The following CIMIP1 variants were observed in gnomAD, a reference collection of about 807,000 sequenced individuals.
The protein encoded by CIMIP1 is ciliary microtubule inner protein 1.
the CIMIP1 span, among the ~76,000 whole-genome samples, chr20:58,151,381 G>A: frequency 6.6e-6 from 1 of 151,676 alleles, no homozygotes; most frequent in African/African-American, 2.4e-5. Flanking sequence ...ACCAGAACGT[G>A]TTCATGTTTT....
the CIMIP1 span, among the ~76,000 whole-genome samples, chr20:58,159,219 A>C: frequency 9.0e-6 from 1 of 111,186 alleles, no homozygotes; most frequent in South Asian, 2.5e-4. Flanking sequence ...CTGCACTTTC[A>C]AAAGATAATT....
chr20:58,151,561 C>T, the CIMIP1 span, among the ~76,000 whole-genome samples: 1 of 151,976 alleles, frequency 6.6e-6, no homozygotes, highest in Non-Finnish European at 1.5e-5. Flanking sequence ...TACAGGCGCC[C>T]ACCACCACAC....
At chr20:58,151,915 T>A in the CIMIP1 span, among the ~76,000 whole-genome samples, 1 of 152,156 alleles carries the variant, frequency 6.6e-6, no homozygotes, top group Non-Finnish European at 1.5e-5. Flanking sequence ...TATTATTGCA[T>A]CTCTTTGAAA....
the CIMIP1 span, chr20:58,153,508 C>G: frequency 6.4e-7 from 1 of 1,557,114 alleles, no homozygotes. Context: ...GAACCTTTTT[C>G]CGTGTTGCCC....
chr20:58,160,754 G>A, the CIMIP1 span: 9 of 1,614,108 alleles, frequency 5.6e-6, no homozygotes, highest in East Asian at 4.5e-5. Context: ...AGAGCTCGAC[G>A]ATGCGATCAG....
chr20:58,153,124 A>C, the CIMIP1 span, among the ~76,000 whole-genome samples: 6 of 152,202 alleles, frequency 3.9e-5, no homozygotes, highest in African/African-American at 1.4e-4. Flanking sequence ...TTGCGCTGCA[A>C]TATTTAGGAA....
At chr20:58,151,829 T>C in the CIMIP1 span, among the ~76,000 whole-genome samples, 1 of 152,234 alleles carries the variant, frequency 6.6e-6, no homozygotes, top group Non-Finnish European at 1.5e-5. Flanking sequence ...ACTTTAAAGA[T>C]ACATCCATTT....
At chr20:58,159,078 C>T in the CIMIP1 span, among the ~76,000 whole-genome samples, 18 of 152,238 alleles carry the variant, frequency 1.2e-4, no homozygotes, top group East Asian at 3.5e-3. Flanking sequence ...CAAGGCATCC[C>T]TTGCACCATC....
At chr20:58,158,639 G>C in the CIMIP1 span, among the ~76,000 whole-genome samples, 1 of 151,086 alleles carries the variant, frequency 6.6e-6, no homozygotes, top group Admixed American at 6.6e-5. Flanking sequence ...GACAGAGTAA[G>C]ACTCCGTCTC....
At chr20:58,160,969 G>A in the CIMIP1 span, 4 of 827,718 alleles carry the variant, frequency 4.8e-6, no homozygotes, top group Middle Eastern at 3.6e-4. Flanking sequence ...CACAAAGTGT[G>A]CCTTAGACAT....
the CIMIP1 span, among the ~76,000 whole-genome samples, chr20:58,154,124 T>C: frequency 9.8e-5 from 15 of 152,316 alleles, no homozygotes; most frequent in African/African-American, 3.6e-4. Flanking sequence ...GAGGGATTCT[T>C]GGGAAAATGC....
chr20:58,153,426 C>T, the CIMIP1 span: 1 of 749,060 alleles, frequency 1.3e-6, no homozygotes, highest in Non-Finnish European at 2.3e-6. Context: ...TGGCTCCTCA[C>T]TCCGTCCCTG....
chr20:58,160,624 G>A, the CIMIP1 span: 4 of 1,596,082 alleles, frequency 2.5e-6, no homozygotes, highest in East Asian at 6.8e-5. Flanking sequence ...TGTCTCTGTG[G>A]CCGAAGGTCA....
the CIMIP1 span, among the ~76,000 whole-genome samples, chr20:58,152,332 T>C: frequency 1.3e-5 from 2 of 152,026 alleles, no homozygotes; most frequent in Admixed American, 6.6e-5. Flanking sequence ...CCTCTTTGAA[T>C]AGGGCCCTTG....
chr20:58,153,568 G>A, the CIMIP1 span: 7 of 1,614,040 alleles, frequency 4.3e-6, no homozygotes, highest in Middle Eastern at 1.6e-4. Context: ...AGGCTGAATC[G>A]GAAGCACGGC....
chr20:58,153,560 G>T, the CIMIP1 span: 1 of 1,614,014 alleles, frequency 6.2e-7, no homozygotes, highest in Non-Finnish European at 8.5e-7. Context: ...CCGTCTGAAG[G>T]CTGAATCGGA....
chr20:58,160,596 C>A, the CIMIP1 span: 1 of 1,526,330 alleles, frequency 6.6e-7, no homozygotes, highest in Non-Finnish European at 8.9e-7. Flanking sequence ...GCCTCACATG[C>A]CGATGCTGGG....
At chr20:58,159,927 C>G in the CIMIP1 span, among the ~76,000 whole-genome samples, 2 of 152,204 alleles carry the variant, frequency 1.3e-5, no homozygotes, top group African/African-American at 4.8e-5. Flanking sequence ...ACCGCCTCAC[C>G]GGCAGGTTCC....
At chr20:58,153,823 C>T in the CIMIP1 span, among the ~76,000 whole-genome samples, 6 of 152,178 alleles carry the variant, frequency 3.9e-5, no homozygotes, top group South Asian at 2.1e-4. Context: ...CTAGGTGCTT[C>T]GGCAGAACCA....
Sources: gnomAD v4.1 joint callset for allele counts (sites outside exome capture counted in the v4.1 genomes callset) on GRCh38, gnomAD v4.1.1 for gene constraint, MANE v1.5 for transcripts, NCBI Gene and HGNC (gene_info 2026-07-23, HGNC 2026-07-21) for gene names.